THUMPD3: variants seen among roughly 807,000 people sequenced by gnomAD.
THUMPD3 encodes tRNA (guanine(6)-N(2))-methyltransferase THUMP3.
In THUMPD3, 44 loss-of-function variants were observed where a neutral mutation model predicts 54.5. The observed-to-expected ratio is 0.81, with a 90% CI of 0.63 to 1.04. THUMPD3 has a LOEUF of 1.04. Ranked by LOEUF, THUMPD3 falls within the 50% of genes least tolerant of loss-of-function variation. The pLI is 0.00. For missense variants in THUMPD3, 604 were observed against 601.3 expected (o/e 1.00, Z -0.05); for synonymous variants, 196 against 201.4 (o/e 0.97, Z 0.23).
At chr3:9,382,935 G>T in intron 7 of THUMPD3, 2 of 332,922 alleles carry the variant, frequency 6.0e-6, no homozygotes, top group Non-Finnish European at 1.1e-5. Context: ...TCACAGTGTT[G>T]CTCAGCTGGT....
In THUMPD3 at chr3:9,371,071, A is replaced by G; in HGVS notation, c.342A>G (p.Leu114=). The G allele has an allele frequency of 1.9e-6, 3 of 1,566,988 alleles. No homozygotes were observed. The highest frequency in any genetic ancestry group is 2.6e-6 in the Non-Finnish European group (3 of 1,164,462). The change falls in exon 4 of 10, where the codon CTA becomes CTG. Residue 114 remains leucine, a synonymous_variant. Transcript: ENST00000452837. ...TCTGTCCTTTACAGGAAGAAGTTCT[A>G]AAGGATTTTGAAGACTTGGCTGGAA... ...YQFKQTKEEV[L]KDFEDLAGKL... is the part of the protein sequence containing the mutation.
In THUMPD3 at chr3:9,365,046, G is replaced by C; in HGVS notation, c.-23G>C. On this transcript the variant is annotated 5_prime_UTR_variant, in exon 2 of 10. Transcript: ENST00000452837. ...TACTGCTTTTAAAGAGACAGTGTTA[G>C]GGATCTTGGAAGCACAGCCAACATG... The C allele has an allele frequency of 6.2e-7, 1 of 1,609,808 alleles. No individual in the cohort carries two copies. Among genetic ancestry groups the C allele is most frequent in the Non-Finnish European group, 8.5e-7 (1 of 1,177,266 alleles).
intron 3 of THUMPD3, among the ~76,000 whole-genome samples, chr3:9,369,309 C>CAAAAAAAAAAAAAAA (rs779602979): frequency 1.6e-5 from 1 of 60,842 alleles, no homozygotes; most frequent in Non-Finnish European, 2.8e-5. Context: ...GACTCCGTCT[C>CAAAAAAAAAAAAAAA]AAAAAAAAAA....
chr3:9,384,093 G>A lies in THUMPD3; in HGVS notation c.1236-119G>A. 3 of 1,183,510 alleles carry A rather than the reference G, an allele frequency of 2.5e-6. No individual in the cohort carries two copies. The South Asian group carries it at 4.6e-5, about 18-fold the overall frequency. The allele number at this position is 1,183,510 out of a possible 1,614,324, so 73.3% of individuals were successfully genotyped here. On this transcript the variant is annotated intron_variant, in intron 8 of 9. Coordinates refer to ENST00000452837, the MANE Select transcript of THUMPD3 (RefSeq NM_001114092.2). The stretch of plus-strand genomic sequence containing the variant: ...ATAGACATGTAATGGCAAAGGTCTG[G>A]TTTCTAAAACTACAGCTATTTTTCA...
rs780659850 is a variant in THUMPD3 at position 9,365,038 on chromosome 3, C to T, written c.-31C>T. 6.3e-7 allele frequency: 1 copy of T among 1,598,436 alleles called. No individual in the cohort carries two copies. Among genetic ancestry groups the T allele is most frequent in the African/African-American group, 1.3e-5 (1 of 74,262 alleles). On this transcript the variant is annotated 5_prime_UTR_variant, in exon 2 of 10. Coordinates refer to ENST00000452837, the MANE Select transcript of THUMPD3 (RefSeq NM_001114092.2). ...AAGGACAGTACTGCTTTTAAAGAGACAGTGTTAGGGATCTTGGAAGCACAG... is the reference window on the plus strand; with the variant it reads ...AAGGACAGTACTGCTTTTAAAGAGATAGTGTTAGGGATCTTGGAAGCACAG...
chr3:9,384,478 A>G (rs1268241654), intron 9 of THUMPD3, 46 bp from the exon 10 acceptor site: 2 of 1,611,736 alleles, frequency 1.2e-6, no homozygotes, highest in Admixed American at 1.7e-5. Context: ...AGTTGATGTA[A>G]AAGTAGATTG....
intron 3 of THUMPD3, among the ~76,000 whole-genome samples, chr3:9,368,589 C>T (rs1013597578): frequency 2.6e-5 from 4 of 152,088 alleles, no homozygotes; most frequent in Admixed American, 6.6e-5. Context: ...TCTTGAACTC[C>T]TGACCTCGTG....
At position 9,377,825 on chromosome 3, in the gene THUMPD3, T is replaced by C; in HGVS notation, c.945T>C (p.Cys315=). 6.2e-7 allele frequency: 1 copy of C among 1,613,634 alleles called. No individual in the cohort carries two copies. The change falls in exon 6 of 10, where the codon TGT becomes TGC. Residue 315 remains cysteine, a synonymous_variant. Coordinates refer to ENST00000452837, the MANE Select transcript of THUMPD3 (RefSeq NM_001114092.2). ...GCTGTTTTCTTTTCTCTAGGCTCTGTGATCCTCTACCTTATGATATAATAG... is the reference window on the plus strand; with the variant it reads ...GCTGTTTTCTTTTCTCTAGGCTCTGCGATCCTCTACCTTATGATATAATAG... ...STLAYGMLRL[C]DPLPYDIIVD...
At chr3:9,365,594 T>C (rs763255172) in intron 2 of THUMPD3, among the ~76,000 whole-genome samples, 7 of 152,004 alleles carry the variant, frequency 4.6e-5, no homozygotes, top group Non-Finnish European at 1.0e-4. Flanking sequence ...GCATTTCTTT[T>C]TTTTTTCTTT....
Position 9,384,511 on chromosome 3 carries a change from T to G in THUMPD3, c.1360-13T>G, listed in dbSNP as rs1390978018. 1.2e-6 allele frequency: 2 copies of G among 1,613,398 alleles called. No homozygotes were observed. Among genetic ancestry groups the G allele is most frequent in the African/African-American group, 1.3e-5 (1 of 74,558 alleles). ...TTGTCAACCTAATTGTTATTTTTTTTGTGTGTACACAGGCGTTATCTGGAA... is the reference window on the plus strand; with the variant it reads ...TTGTCAACCTAATTGTTATTTTTTTGGTGTGTACACAGGCGTTATCTGGAA... On this transcript the variant is annotated splice_polypyrimidine_tract_variant and intron_variant, in intron 9 of 9. Coordinates refer to ENST00000452837, the MANE Select transcript of THUMPD3 (RefSeq NM_001114092.2).
intron 7 of THUMPD3, 33 bp downstream of exon 7, chr3:9,380,651 A>G: frequency 7.9e-7 from 1 of 1,260,896 alleles, no homozygotes; most frequent in Non-Finnish European, 1.1e-6. Context: ...AGCATCTTTT[A>G]GAGTTAGAGA....
At position 9,386,455 on chromosome 3, in the gene THUMPD3, T is replaced by C. The variant is rs541959166; in HGVS notation, c.*1767T>C. On this transcript the variant is annotated 3_prime_UTR_variant, in exon 10 of 10. Coordinates refer to ENST00000452837, the MANE Select transcript of THUMPD3 (RefSeq NM_001114092.2). The stretch of plus-strand genomic sequence containing the variant: ...ACTGGGTATTTGTTGAACAAGCGAG[T>C]ATTTTCGCCTATTAGCTTAGTTTTT... 4 of 143,630 alleles carry C rather than the reference T, an allele frequency of 2.8e-5. No individual in the cohort carries two copies. The highest frequency in any genetic ancestry group is 1.5e-4 in the Admixed American group (2 of 13,374). The allele number at this position is 143,630 out of a possible 1,614,324, so 8.9% of individuals were successfully genotyped here. A position where few individuals can be genotyped will look rare whatever the true frequency, so the allele number is the denominator to read the frequency against.
intron 4 of THUMPD3, among the ~76,000 whole-genome samples, chr3:9,372,916 A>G (rs2032174757): frequency 6.6e-6 from 1 of 152,090 alleles, no homozygotes. Context: ...GTGCATGTCA[A>G]ATCAGGAGTC....
chr3:9,368,917 T>C (rs1314167037), intron 3 of THUMPD3, among the ~76,000 whole-genome samples: 2 of 152,234 alleles, frequency 1.3e-5, no homozygotes, highest in Non-Finnish European at 2.9e-5. Context: ...ATAGCATACA[T>C]ACTTTTCTGC....
At chr3:9,365,590 CTTTT>C (rs551647536) in intron 2 of THUMPD3, among the ~76,000 whole-genome samples, 3 of 148,556 alleles carry the variant, frequency 2.0e-5, no homozygotes, top group Non-Finnish European at 4.5e-5. Flanking sequence ...TTGAGCATTT[CTTTT>C]TTTTTTCTTT....
intron 3 of THUMPD3, among the ~76,000 whole-genome samples, chr3:9,368,360 ATT>A (rs764732133): frequency 0.13 from 15,523 of 116,718 alleles, 1,527 homozygotes; most frequent in East Asian, 0.36. Context: ...ACCCGCGCAT[ATT>A]TTTTTTTTTT....
rs1216272985 is a variant in THUMPD3, at chr3:9,368,597, G to A, written c.330+1612G>A. The stretch of plus-strand genomic sequence containing the variant: ...AGGCTGGTCTTGAACTCCTGACCTC[G>A]TGATCCACCTGTCTTGGCCTCTCAA... On this transcript the variant is annotated intron_variant, in intron 3 of 9. Transcript: ENST00000452837. Among the ~76,000 whole-genome samples the A allele has an allele frequency of 3.3e-5, 5 of 152,006 alleles. No homozygotes were observed. In the East Asian group the frequency reaches 7.7e-4, roughly 24 times the overall value.
At position 9,384,229 on chromosome 3, in the gene THUMPD3, G is replaced by C. The variant is rs762062244; in HGVS notation, c.1253G>C (p.Arg418Thr). The change falls in exon 9 of 10, where the codon AGA becomes ACA. Residue 418 changes from arginine to threonine, a missense_variant. Transcript: ENST00000452837. Reference sequence around the variant, plus strand: ...TATTATAGGATGGGATCCAAGAAGAGAAACTGGAACCTTTATCCAGCTTGC... The same window carrying C: ...TATTATAGGATGGGATCCAAGAAGACAAACTGGAACCTTTATCCAGCTTGC... ...PFGKRMGSKK[R>T]NWNLYPACLR... is the part of the protein sequence containing the mutation. 13 of 1,613,900 alleles carry C rather than the reference G, an allele frequency of 8.1e-6. No homozygotes were observed. In the South Asian group the frequency reaches 1.1e-4, roughly 14 times the overall value.
At chr3:9,369,961 TA>T (rs2031900672) in intron 3 of THUMPD3, among the ~76,000 whole-genome samples, 1 of 152,252 alleles carries the variant, frequency 6.6e-6, no homozygotes. Flanking sequence ...GTTACCTTTA[TA>T]ACTACAATTT....
Sources: gnomAD v4.1 joint callset for allele counts (sites outside exome capture counted in the v4.1 genomes callset) on GRCh38, gnomAD v4.1.1 for gene constraint, MANE v1.5 for transcripts, NCBI Gene and HGNC (gene_info 2026-07-23, HGNC 2026-07-21) for gene names.